The following SH2D7 variants were observed in gnomAD, a reference collection of about 807,000 sequenced individuals.
SH2D7 encodes the protein SH2 domain containing 7, also known as SH2 domain-containing protein 7.
Under a neutral mutation model 40.8 loss-of-function variants are expected in SH2D7, and 32 were observed. The ratio of observed to expected loss-of-function variants is 0.78; its 90% CI spans 0.59 to 1.05. The LOEUF (loss-of-function observed/expected upper bound fraction) is 1.05. Among genes scored for constraint, SH2D7 ranks in the 50% least tolerant of loss-of-function variants. The pLI is 0.00. For missense variants in SH2D7, 559 were observed against 566.6 expected (o/e 0.99, Z 0.14); for synonymous variants, 195 against 221.5 (o/e 0.88, Z 1.06).
At chr15:78,094,345 C>T in intron 2 of SH2D7, 144 bp downstream of exon 2, 1 of 712,106 alleles carries the variant, frequency 1.4e-6, no homozygotes, top group Non-Finnish European at 2.4e-6. Flanking sequence ...ATCACATGCT[C>T]AGCAGACACT....
chr15:78,098,092 C>T lies in SH2D7; in HGVS notation c.430C>T (p.Arg144Trp), dbSNP rs747358486. The T allele has an allele frequency of 1.3e-5, 21 of 1,604,898 alleles. No individual in the cohort carries two copies. The highest frequency in any genetic ancestry group is 7.8e-5 in the South Asian group (7 of 89,988). The change falls in exon 3 of 6, where the codon CGG becomes TGG. Residue 144 changes from arginine to tryptophan, a missense_variant and splice_region_variant. Physicochemically the swap from Arg to Trp is moderately radical, Grantham distance 101. Coordinates refer to ENST00000328828, the MANE Select transcript of SH2D7 (RefSeq NM_001101404.2). ...FKEMLTAACP[R>W]PEDNDLYDAI... ...AGAGATGCTGACTGCTGCCTGCCCC[C>T]GGGTAGGCGCCCCACTTCCCCAGGG... is the stretch of plus-strand genomic sequence containing the variant.
intron 5 of SH2D7, 69 bp from the exon 6 acceptor site, chr15:78,103,396 C>T (rs554612748): frequency 1.3e-6 from 2 of 1,535,474 alleles, no homozygotes; most frequent in South Asian, 2.4e-5. Flanking sequence ...AATGAGGGGT[C>T]CTCGGAGCCT....
chr15:78,100,817 G>C, intron 4 of SH2D7, 82 bp from the exon 5 acceptor site: 1 of 1,506,188 alleles, frequency 6.6e-7, no homozygotes, highest in African/African-American at 1.4e-5. Context: ...AGGGGGCCTC[G>C]GCTTATCTGA....
intron 4 of SH2D7, 33 bp downstream of exon 4, chr15:78,098,629 G>T: frequency 1.9e-6 from 3 of 1,598,902 alleles, no homozygotes; most frequent in South Asian, 2.3e-5. Flanking sequence ...TAGAGTCAGG[G>T]TTGCCAGACC....
chr15:78,093,249 C>T (rs1489616258), intron 1 of SH2D7, among the ~76,000 whole-genome samples: 1 of 152,194 alleles, frequency 6.6e-6, no homozygotes, highest in East Asian at 1.9e-4. Flanking sequence ...AATGGCAAAT[C>T]CAGCCAGTCC....
intron 2 of SH2D7, among the ~76,000 whole-genome samples, chr15:78,097,591 T>G (rs2073981072): frequency 6.6e-6 from 1 of 152,184 alleles, no homozygotes; most frequent in South Asian, 2.1e-4. Flanking sequence ...GTTATTAGTT[T>G]TCTTTATTGA....
Position 78,092,579 on chromosome 15 carries a change from G to T in SH2D7, c.-6G>T, listed in dbSNP as rs1243976506. 1 of 1,544,728 alleles carries T rather than the reference G, an allele frequency of 6.5e-7. No individual in the cohort carries two copies. The stretch of plus-strand genomic sequence containing the variant: ...GCGCTCTGCTTCCACTCTGGTGCCT[G>T]CCAGCATGGAGGACAGCCTAAAGCA... On this transcript the variant is annotated 5_prime_UTR_variant, in exon 1 of 6. Coordinates refer to ENST00000328828, the MANE Select transcript of SH2D7 (RefSeq NM_001101404.2).
At chr15:78,102,906 G>C (rs576196020) in intron 5 of SH2D7, among the ~76,000 whole-genome samples, 1 of 152,140 alleles carries the variant, frequency 6.6e-6, no homozygotes, top group African/African-American at 2.4e-5. Flanking sequence ...CTGGGCTCCT[G>C]GTGGAAAGAT....
upstream of SH2D7, chr15:78,091,274 G>A (rs2073939100): frequency 6.6e-6 from 1 of 152,164 alleles, no homozygotes; most frequent in Non-Finnish European, 1.5e-5. Flanking sequence ...AATCACTTCA[G>A]TCATATTGTA....
chr15:78,091,619 C>T (rs541733692), upstream of SH2D7, among the ~76,000 whole-genome samples: 39 of 152,316 alleles, frequency 2.6e-4, no homozygotes, highest in African/African-American at 8.9e-4. Context: ...ACATTAGATA[C>T]TCAGGGATGT....
chr15:78,101,304 T>C lies in SH2D7; in HGVS notation c.1051T>C (p.Tyr351His). 1 of 1,613,028 alleles carries C rather than the reference T, an allele frequency of 6.2e-7. No individual in the cohort carries two copies. The highest frequency in any genetic ancestry group is 8.5e-7 in the Non-Finnish European group (1 of 1,179,528). ...CTCCCAGGGCAGCTCTGCAGATATC[T>C]ATGAGTTCATCGGGACAGAAGGCCT... ...PCSQGSSADI[Y>H]EFIGTEGLLQ... Residue 351 changes from tyrosine to histidine, a missense_variant, in exon 5 of 6, where the codon TAT becomes CAT. By Grantham distance (83) the Tyr-to-His change is moderately conservative (BLOSUM62 2). Coordinates refer to ENST00000328828, the MANE Select transcript of SH2D7 (RefSeq NM_001101404.2).
At chr15:78,102,928 G>A (rs2074026787) in intron 5 of SH2D7, among the ~76,000 whole-genome samples, 1 of 152,204 alleles carries the variant, frequency 6.6e-6, no homozygotes, top group South Asian at 2.1e-4. Flanking sequence ...TTCCTGGGAA[G>A]TGCTGACGGC....
intron 2 of SH2D7, among the ~76,000 whole-genome samples, chr15:78,096,122 C>A (rs6495272): frequency 6.6e-6 from 1 of 152,108 alleles, no homozygotes; most frequent in Non-Finnish European, 1.5e-5. Flanking sequence ...GGATTACAGG[C>A]GTGAGCCACT....
Position 78,094,146 on chromosome 15 carries a change from G to C in SH2D7, c.211G>C (p.Gly71Arg), listed in dbSNP as rs2073955931. Residue 71 changes from glycine (G) to arginine (R), a missense_variant, in exon 2 of 6, where the codon GGT (glycine) becomes CGT (arginine). By Grantham distance (125) the Gly-to-Arg change is moderately radical. Coordinates refer to ENST00000328828, the MANE Select transcript of SH2D7 (RefSeq NM_001101404.2). ...TEQLLRDKAL[G>R]SFLIRLSDRA... ...GCAGCTACTCAGGGACAAAGCTCTT[G>C]GTTCCTTCCTTATCCGCCTCAGTGA... The C allele has an allele frequency of 6.2e-7, 1 of 1,609,232 alleles. No individual in the cohort carries two copies. The highest frequency in any genetic ancestry group is 1.1e-5 in the South Asian group (1 of 89,862).
intron 3 of SH2D7, 61 bp from the exon 4 acceptor site, chr15:78,098,323 G>C: frequency 6.3e-7 from 1 of 1,584,832 alleles, no homozygotes; most frequent in Admixed American, 1.7e-5. Context: ...GTCTCAGGCA[G>C]GCAGCTGGAG....
At chr15:78,096,480 C>T (rs1284833132) in intron 2 of SH2D7, among the ~76,000 whole-genome samples, 1 of 152,088 alleles carries the variant, frequency 6.6e-6, no homozygotes, top group African/African-American at 2.4e-5. Context: ...ACAACTGGAG[C>T]TCTCATACAT....
intron 4 of SH2D7, among the ~76,000 whole-genome samples, chr15:78,099,129 G>C (rs1275353836): frequency 6.6e-6 from 1 of 151,640 alleles, no homozygotes; most frequent in Non-Finnish European, 1.5e-5. Flanking sequence ...TGATTCTCCT[G>C]CCTCAGCCAC....
chr15:78,098,632 G>T (rs2073991769), intron 4 of SH2D7, 36 bp downstream of exon 4: 2 of 1,594,008 alleles, frequency 1.3e-6, no homozygotes, highest in Non-Finnish European at 1.7e-6. Flanking sequence ...AGTCAGGGTT[G>T]CCAGACCAGG....
chr15:78,090,622 A>AT (rs1314841763), upstream of SH2D7, among the ~76,000 whole-genome samples: 7 of 118,226 alleles, frequency 5.9e-5, no homozygotes, highest in Non-Finnish European at 1.2e-4. Flanking sequence ...ATCTTGCATC[A>AT]CCATCATCAT....
Sources: gnomAD v4.1 joint callset for allele counts (sites outside exome capture counted in the v4.1 genomes callset) on GRCh38, gnomAD v4.1.1 for gene constraint, MANE v1.5 for transcripts, NCBI Gene and HGNC (gene_info 2026-07-23, HGNC 2026-07-21) for gene names.